NKAIN2: variants seen among roughly 807,000 people sequenced by gnomAD.
The protein encoded by NKAIN2 is sodium/potassium transporting ATPase interacting 2.
Under a neutral mutation model 32.6 loss-of-function variants are expected in NKAIN2, and 14 were observed. That is an observed-to-expected ratio of 0.43 (90% confidence interval 0.28 to 0.67). NKAIN2 has a LOEUF of 0.67. Among genes scored for constraint, NKAIN2 ranks in the 30% least tolerant of loss-of-function variants. The pLI is 0.17. For missense variants in NKAIN2, 198 were observed against 258.3 expected (o/e 0.77, Z 1.60); for synonymous variants, 80 against 87.2 (o/e 0.92, Z 0.46).
chr6:124,753,801 T>G (rs1257498139), intron 4 of NKAIN2, among the ~76,000 whole-genome samples: 1 of 151,978 alleles, frequency 6.6e-6, no homozygotes, highest in African/African-American at 2.4e-5. Flanking sequence ...GTTAATGGGA[T>G]AAAATTAAGC....
chr6:123,870,541 T>A (rs1772817619), intron 1 of NKAIN2, among the ~76,000 whole-genome samples: 1 of 152,208 alleles, frequency 6.6e-6, no homozygotes, highest in African/African-American at 2.4e-5. Flanking sequence ...GTGTAATATG[T>A]GGACCATCCT....
At chr6:124,216,124 A>AAG (rs1040196289) in intron 1 of NKAIN2, among the ~76,000 whole-genome samples, 1 of 151,810 alleles carries the variant, frequency 6.6e-6, no homozygotes, top group African/African-American at 2.4e-5. Context: ...TCTCAAAAAA[A>AAG]AAAAAAAAAA....
chr6:124,767,514 A>C (rs898457709), intron 4 of NKAIN2, among the ~76,000 whole-genome samples: 2 of 152,138 alleles, frequency 1.3e-5, no homozygotes, highest in African/African-American at 4.8e-5. Flanking sequence ...TTAGCTTGGC[A>C]GGTCTTAAAC....
At chr6:124,282,864 G>A (rs1361598528) in intron 1 of NKAIN2, 141 bp from the exon 2 acceptor site, 6 of 699,248 alleles carry the variant, frequency 8.6e-6, no homozygotes, top group East Asian at 7.7e-5. Flanking sequence ...TGTCATTCTC[G>A]CTGTTAGTTA....
chr6:124,518,117 A>T lies in NKAIN2; in HGVS notation c.274-140069A>T, dbSNP rs73772149. 4.4e-3 allele frequency among the ~76,000 whole-genome samples: 662 copies of T among 152,122 alleles called. 5 individuals carry two copies. The highest frequency in any genetic ancestry group is 0.014 in the African/African-American group (584 of 41,534). ...TGTACCATGAAAGCTAAGATTTTTTAAAAAAAGGAAGAATTTATTTTATTA... is the reference window on the plus strand; with the variant it reads ...TGTACCATGAAAGCTAAGATTTTTTTAAAAAAGGAAGAATTTATTTTATTA... On this transcript the variant is annotated intron_variant, in intron 3 of 6. Transcript: ENST00000368417.
chr6:123,812,875 A>C (rs1773536077), intron 1 of NKAIN2, among the ~76,000 whole-genome samples: 1 of 152,276 alleles, frequency 6.6e-6, no homozygotes, highest in Non-Finnish European at 1.5e-5. Flanking sequence ...TGGAGGAATC[A>C]AATTGGTACA....
At chr6:124,206,674 C>T (rs1163409774) in intron 1 of NKAIN2, among the ~76,000 whole-genome samples, 1 of 151,792 alleles carries the variant, frequency 6.6e-6, no homozygotes, top group African/African-American at 2.4e-5. Context: ...TATTGCTGCC[C>T]GTGTTCACAA....
At chr6:124,501,049 G>A (rs1196516861) in intron 3 of NKAIN2, among the ~76,000 whole-genome samples, 1 of 152,190 alleles carries the variant, frequency 6.6e-6, no homozygotes, top group Non-Finnish European at 1.5e-5. Context: ...ATAAAAAGCA[G>A]AGCGGTGAGG....
intron 1 of NKAIN2, among the ~76,000 whole-genome samples, chr6:124,124,330 T>C (rs993284159): frequency 6.7e-6 from 1 of 150,322 alleles, no homozygotes; most frequent in Non-Finnish European, 1.5e-5. Flanking sequence ...TTTAATGTCA[T>C]TCATGAAGAG....
At chr6:124,584,328 G>A (rs1383283134) in intron 3 of NKAIN2, among the ~76,000 whole-genome samples, 3 of 152,068 alleles carry the variant, frequency 2.0e-5, no homozygotes. Context: ...TAAGAAATGG[G>A]CAAAAGATCT....
In NKAIN2 at chr6:123,831,569, A is replaced by G. The variant is rs1375780777; in HGVS notation, c.54+27315A>G. 2.0e-5 allele frequency among the ~76,000 whole-genome samples: 3 copies of G among 151,838 alleles called. No homozygotes were observed. In the East Asian group the frequency reaches 5.8e-4, roughly 29 times the overall value. ...GTTTTAGGTTAATACCAAAATAAAG[A>G]GACAGGTAAGAGGTTTTCCCATACC... On this transcript the variant is annotated intron_variant, in intron 1 of 6. Coordinates refer to ENST00000368417, the MANE Select transcript of NKAIN2 (RefSeq NM_001040214.3).
rs77587149 is a variant in NKAIN2 at position 124,249,047 on chromosome 6, A to G, written c.55-33958A>G. ...TACTAAACTTCAGTTATTAAATCTC[A>G]ATAAATAGTGAAGAAGAACTGTTGG... is the stretch of plus-strand genomic sequence containing the variant. On this transcript the variant is annotated intron_variant, in intron 1 of 6. Transcript: ENST00000368417. 7.2e-3 allele frequency among the ~76,000 whole-genome samples: 1,100 copies of G among 152,252 alleles called. 46 individuals carry two copies. Among genetic ancestry groups the G allele is most frequent in the Admixed American group, 0.061 (929 of 15,252 alleles).
chr6:123,879,165 C>T (rs35817008), intron 1 of NKAIN2, among the ~76,000 whole-genome samples: 38,595 of 152,070 alleles, frequency 0.25, 5,677 homozygotes, highest in Non-Finnish European at 0.32. Context: ...GGAGCTGAGT[C>T]GAACTGTTGG....
chr6:124,497,329 G>A (rs914374032), intron 3 of NKAIN2, among the ~76,000 whole-genome samples: 4 of 151,898 alleles, frequency 2.6e-5, no homozygotes, highest in East Asian at 1.9e-4. Flanking sequence ...AATTGCATTC[G>A]GCTAGCCATC....
intron 3 of NKAIN2, among the ~76,000 whole-genome samples, chr6:124,409,578 T>C (rs192159648): frequency 3.9e-5 from 6 of 152,134 alleles, no homozygotes; most frequent in African/African-American, 1.4e-4. Context: ...TTTTGATGTG[T>C]TGCTGGATGC....
At chr6:124,130,093 C>T (rs938328242) in intron 1 of NKAIN2, among the ~76,000 whole-genome samples, 5 of 152,106 alleles carry the variant, frequency 3.3e-5, no homozygotes, top group African/African-American at 4.8e-5. Context: ...GTGGGCTCAG[C>T]TTTAGTCTCA....
At chr6:124,313,251 A>G (rs1484332766) in intron 2 of NKAIN2, among the ~76,000 whole-genome samples, 1 of 152,152 alleles carries the variant, frequency 6.6e-6, no homozygotes, top group Non-Finnish European at 1.5e-5. Context: ...GATTTCTCAT[A>G]TATTTACAAA....
Position 124,540,174 on chromosome 6 carries a change from G to C in NKAIN2, c.274-118012G>C, listed in dbSNP as rs576746216. Among the ~76,000 whole-genome samples, 37 of 152,322 alleles carry C rather than the reference G, an allele frequency of 2.4e-4. No homozygotes were observed. The South Asian group carries it at 7.7e-3, about 32-fold the overall frequency. ...ATAGCAGGATATAGTGGGCTATAAA[G>C]AAACCAATTTAAGTAATTTGTGCAA... On this transcript the variant is annotated intron_variant, in intron 3 of 6. Transcript: ENST00000368417.
rs550551798 is a variant in NKAIN2 at position 124,691,880 on chromosome 6, G to GT, written c.474+33502dup. Among the ~76,000 whole-genome samples, 150 of 151,942 alleles carry GT rather than the reference G, an allele frequency of 9.9e-4. 1 individual carries two copies. The highest frequency in any genetic ancestry group is 1.4e-3 in the Non-Finnish European group (95 of 67,940). On this transcript the variant is annotated intron_variant, in intron 4 of 6. Coordinates refer to ENST00000368417, the MANE Select transcript of NKAIN2 (RefSeq NM_001040214.3). ...AAACTGAAATATACTTTACAATATA[G>GT]TTTTTTTTGACGATAGGTCTTAAGA... is the stretch of plus-strand genomic sequence containing the variant.
Sources: gnomAD v4.1 joint callset for allele counts (sites outside exome capture counted in the v4.1 genomes callset) on GRCh38, gnomAD v4.1.1 for gene constraint, MANE v1.5 for transcripts, NCBI Gene and HGNC (gene_info 2026-07-23, HGNC 2026-07-21) for gene names.